Variants in CAP2 observed in about 807,000 individuals in gnomAD.
CAP2 encodes the protein adenylyl cyclase-associated protein 2.
In CAP2, 24 loss-of-function variants were observed where a neutral mutation model predicts 57.7. The ratio of observed to expected loss-of-function variants is 0.42; its 90% CI spans 0.30 to 0.58. CAP2 has a LOEUF of 0.58. Ranked by LOEUF, CAP2 falls within the 20% of genes least tolerant of loss-of-function variation. The probability of loss-of-function intolerance (pLI) is 0.22; values close to 1 mark genes in which losing one functional copy is unlikely to be tolerated. For missense variants in CAP2, 501 were observed against 590.3 expected, an observed-to-expected ratio of 0.85 and a Z score of 1.57; for synonymous variants, 194 against 207.2, an observed-to-expected ratio of 0.94 and a Z score of 0.55.
intron 2 of CAP2, among the ~76,000 whole-genome samples, chr6:17,426,044 A>G (rs1024018096): frequency 3.3e-5 from 5 of 151,892 alleles, no homozygotes; most frequent in Non-Finnish European, 4.4e-5. Context: ...GCAGTGAGCC[A>G]AGATCACGCC....
chr6:17,409,601 G>A (rs1469146169), intron 1 of CAP2, among the ~76,000 whole-genome samples: 1 of 152,032 alleles, frequency 6.6e-6, no homozygotes, highest in Non-Finnish European at 1.5e-5. Flanking sequence ...CAAGAATCCT[G>A]AGGCATGTAT....
chr6:17,460,636 A>G (rs1044772580), intron 3 of CAP2, among the ~76,000 whole-genome samples: 2 of 152,148 alleles, frequency 1.3e-5, no homozygotes, highest in Non-Finnish European at 2.9e-5. Flanking sequence ...ACATTTTATA[A>G]TCTTTTTTTT....
chr6:17,524,953 G>T (rs1465871959), intron 7 of CAP2, among the ~76,000 whole-genome samples: 2 of 146,488 alleles, frequency 1.4e-5, no homozygotes, highest in African/African-American at 5.2e-5. Context: ...GAGTTCAGTG[G>T]TGGCATGATC....
intron 7 of CAP2, among the ~76,000 whole-genome samples, chr6:17,517,216 A>G (rs114212162): frequency 0.015 from 2,268 of 152,358 alleles, 74 homozygotes; most frequent in East Asian, 0.13. Flanking sequence ...TTCATGGTAG[A>G]TAAAGGCCAG....
intron 11 of CAP2, among the ~76,000 whole-genome samples, chr6:17,549,635 T>C (rs947901445): frequency 6.6e-6 from 1 of 152,262 alleles, no homozygotes; most frequent in African/African-American, 2.4e-5. Context: ...CAATTAGTGA[T>C]GTCTTCTCAC....
chr6:17,530,830 T>G, intron 7 of CAP2: 2 of 672,068 alleles, frequency 3.0e-6, no homozygotes, highest in Non-Finnish European at 4.8e-6. Flanking sequence ...TTTTTTTTTT[T>G]CAGTTTGAGA....
At chr6:17,418,207 T>C (rs915887139) in intron 1 of CAP2, among the ~76,000 whole-genome samples, 6 of 152,174 alleles carry the variant, frequency 3.9e-5, no homozygotes, top group African/African-American at 9.7e-5. Flanking sequence ...TTGGGCCCCA[T>C]CAGTCTCCTT....
At chr6:17,423,046 C>T (rs1215370207) in intron 2 of CAP2, among the ~76,000 whole-genome samples, 1 of 152,192 alleles carries the variant, frequency 6.6e-6, no homozygotes, top group African/African-American at 2.4e-5. Flanking sequence ...CAACTCTGTT[C>T]TTGTCACATG....
At chr6:17,426,902 G>A (rs1555112) in intron 3 of CAP2, among the ~76,000 whole-genome samples, 38,453 of 152,158 alleles carry the variant, frequency 0.25, 5,742 homozygotes, top group South Asian at 0.32. Flanking sequence ...TGCTCTGGAA[G>A]CTAGGAGCAT....
chr6:17,405,675 T>C (rs1758944253), intron 1 of CAP2, among the ~76,000 whole-genome samples: 1 of 152,196 alleles, frequency 6.6e-6, no homozygotes, highest in Admixed American at 6.5e-5. Context: ...TTGGAAGTTT[T>C]TGGTCATGAT....
At position 17,550,394 on chromosome 6, in the gene CAP2, C is replaced by CTTTTT. The variant is rs10557884; in HGVS notation, c.1210-1047_1210-1043dup. On this transcript the variant is annotated intron_variant, in intron 11 of 12. Coordinates refer to ENST00000229922, the MANE Select transcript of CAP2 (RefSeq NM_006366.3). ...GTACCTGACCTTGAACTACCCCTGCCTTTTTTTTTTTTTTTTTTTTTTTTT... is the reference window on the plus strand; with the variant it reads ...GTACCTGACCTTGAACTACCCCTGCCTTTTTTTTTTTTTTTTTTTTTTTTTTTTTT... Among the ~76,000 whole-genome samples, 13 of 52,048 alleles carry CTTTTT rather than the reference C, an allele frequency of 2.5e-4. 2 individuals are homozygous for CTTTTT. The South Asian group carries it at 2.9e-3, about 12-fold the overall frequency. 34.1% of individuals were successfully genotyped at this position (52,048 alleles called of 152,430 possible).
chr6:17,408,140 T>G (rs1759034347), intron 1 of CAP2, among the ~76,000 whole-genome samples: 4 of 152,218 alleles, frequency 2.6e-5, no homozygotes, highest in Admixed American at 1.3e-4. Flanking sequence ...CTGAGACTCA[T>G]TTACAAAGAT....
intron 1 of CAP2, among the ~76,000 whole-genome samples, chr6:17,418,669 A>T (rs921875208): frequency 1.3e-5 from 2 of 150,306 alleles, no homozygotes; most frequent in African/African-American, 4.9e-5. Context: ...CAAAGCAAAC[A>T]TTTTTTTTTT....
At chr6:17,467,803 A>G (rs1267220954) in intron 4 of CAP2, among the ~76,000 whole-genome samples, 3 of 152,288 alleles carry the variant, frequency 2.0e-5, no homozygotes, top group Admixed American at 1.3e-4. Context: ...AATTACAGGC[A>G]TGAGCCACAG....
At chr6:17,503,317 A>G (rs1761878968) in intron 4 of CAP2, among the ~76,000 whole-genome samples, 1 of 152,058 alleles carries the variant, frequency 6.6e-6, no homozygotes, top group Admixed American at 6.6e-5. Flanking sequence ...TCTTATAAAG[A>G]CACCAGTCAG....
intron 11 of CAP2, among the ~76,000 whole-genome samples, chr6:17,548,769 T>C (rs149159522): frequency 2.6e-3 from 403 of 152,256 alleles, no homozygotes; most frequent in African/African-American, 8.9e-3. Flanking sequence ...AACAGATAAA[T>C]GAAGCAGACT....
intron 4 of CAP2, among the ~76,000 whole-genome samples, chr6:17,481,063 T>C (rs1270763568): frequency 6.6e-6 from 1 of 151,546 alleles, no homozygotes; most frequent in Non-Finnish European, 1.5e-5. Context: ...AGTGCTGGGA[T>C]TACAGGTGTG....
chr6:17,535,005 C>A (rs1004314456), intron 7 of CAP2, among the ~76,000 whole-genome samples: 1 of 152,116 alleles, frequency 6.6e-6, no homozygotes, highest in Non-Finnish European at 1.5e-5. Flanking sequence ...AGAGTCACAA[C>A]AAAACCAGCA....
rs1761034584 is a variant in CAP2 at position 17,472,060 on chromosome 6, C to T, written c.300+8987C>T. Among the ~76,000 whole-genome samples the T allele has an allele frequency of 8.2e-5, 2 of 24,438 alleles. 1 individual carries two copies. Among genetic ancestry groups the T allele is most frequent in the Admixed American group, 6.5e-4 (2 of 3,076 alleles). 16.0% of individuals were successfully genotyped at this position (24,438 alleles called of 152,430 possible). Reference sequence around the variant, plus strand: ...TGTTAATAGTGCTGAATGGGCCGGGCGCGGTGGCTCACGCCTGTAATCCCA... The same window carrying T: ...TGTTAATAGTGCTGAATGGGCCGGGTGCGGTGGCTCACGCCTGTAATCCCA... On this transcript the variant is annotated intron_variant, in intron 4 of 12. Transcript: ENST00000229922.
Sources: gnomAD v4.1 joint callset for allele counts (sites outside exome capture counted in the v4.1 genomes callset) on GRCh38, gnomAD v4.1.1 for gene constraint, MANE v1.5 for transcripts, NCBI Gene and HGNC (gene_info 2026-07-23, HGNC 2026-07-21) for gene names.